Variants in PTPRR observed in about 807,000 individuals in gnomAD.
PTPRR encodes receptor-type tyrosine-protein phosphatase R.
A neutral mutation model predicts 77.2 loss-of-function variants in PTPRR; 38 were observed. The ratio of observed to expected loss-of-function variants is 0.49; its 90% CI spans 0.38 to 0.65. The LOEUF is 0.65. Ranked by LOEUF, PTPRR falls within the 30% of genes least tolerant of loss-of-function variation. The pLI, the probability that PTPRR is intolerant of heterozygous loss-of-function variation, is 0.00. For missense variants in PTPRR, 744 were observed against 799.2 expected (o/e 0.93, Z 0.83); for synonymous variants, 299 against 283.1 (o/e 1.06, Z -0.57).
intron 2 of PTPRR, among the ~76,000 whole-genome samples, chr12:70,821,706 G>A (rs1404708456): frequency 6.6e-6 from 1 of 152,028 alleles, no homozygotes; most frequent in Non-Finnish European, 1.5e-5. Flanking sequence ...CTGTCGCCCA[G>A]GCTGGAGTGC....
At chr12:70,693,665 T>C (rs17108614) in intron 8 of PTPRR, among the ~76,000 whole-genome samples, 4,638 of 151,932 alleles carry the variant, frequency 0.031, 233 homozygotes, top group African/African-American at 0.11. Context: ...TGGGGAAATG[T>C]AGGTTTCCAA....
intron 2 of PTPRR, among the ~76,000 whole-genome samples, chr12:70,772,904 C>A (rs993959109): frequency 2.0e-5 from 3 of 151,976 alleles, no homozygotes; most frequent in Non-Finnish European, 4.4e-5. Flanking sequence ...ACAGAAATTT[C>A]TTGTCTTGTC....
chr12:70,836,324 G>A (rs1012492884), intron 2 of PTPRR, among the ~76,000 whole-genome samples: 8 of 143,728 alleles, frequency 5.6e-5, no homozygotes, highest in Non-Finnish European at 9.0e-5. Flanking sequence ...TTTTTTTCTC[G>A]GACTGGTGTG....
intron 1 of PTPRR, among the ~76,000 whole-genome samples, chr12:70,902,253 G>A (rs1195605163): frequency 2.6e-5 from 4 of 151,860 alleles, no homozygotes; most frequent in Non-Finnish European, 2.9e-5. Flanking sequence ...GGAAAACAGT[G>A]TGGAGATCCT....
At chr12:70,828,431 C>G (rs1248507089) in intron 2 of PTPRR, among the ~76,000 whole-genome samples, 1 of 152,020 alleles carries the variant, frequency 6.6e-6, no homozygotes, top group East Asian at 1.9e-4. Flanking sequence ...AAGTAGCCCT[C>G]TCTTGGGAAT....
At chr12:70,907,437 C>T (rs1215029162) in intron 1 of PTPRR, among the ~76,000 whole-genome samples, 3 of 152,118 alleles carry the variant, frequency 2.0e-5, no homozygotes, top group Non-Finnish European at 2.9e-5. Flanking sequence ...CCCTGTTTAT[C>T]CATTGAAAGT....
intron 13 of PTPRR, among the ~76,000 whole-genome samples, chr12:70,641,018 G>T (rs989354402): frequency 6.6e-6 from 1 of 152,166 alleles, no homozygotes; most frequent in Non-Finnish European, 1.5e-5. Context: ...AGTATTCCTT[G>T]GTCAGAAGTG....
chr12:70,874,123 AG>A (rs1402082474), intron 2 of PTPRR, among the ~76,000 whole-genome samples: 2 of 152,202 alleles, frequency 1.3e-5, no homozygotes, highest in African/African-American at 2.4e-5. Context: ...CTTTTCTTTA[AG>A]AACTGAATGA....
chr12:70,744,049 G>T lies in PTPRR; in HGVS notation c.1007+1769C>A, dbSNP rs566192657. ...GACCCTTTCTTGCCACCGGCCCTTCGTTCATCACTGATGCCCAGGTCTGTG... is the reference window on the plus strand; with the variant it reads ...GACCCTTTCTTGCCACCGGCCCTTCTTTCATCACTGATGCCCAGGTCTGTG... On this transcript the variant is annotated intron_variant, in intron 6 of 13. Coordinates refer to ENST00000283228, the MANE Select transcript of PTPRR (RefSeq NM_002849.4). 7.9e-5 allele frequency among the ~76,000 whole-genome samples: 12 copies of T among 152,144 alleles called. No individual in the cohort carries two copies. The East Asian group carries it at 2.3e-3, about 29-fold the overall frequency.
intron 2 of PTPRR, among the ~76,000 whole-genome samples, chr12:70,882,174 C>T (rs1893159825): frequency 6.6e-6 from 1 of 152,166 alleles, no homozygotes; most frequent in African/African-American, 2.4e-5. Context: ...AAATCTAATC[C>T]TGCGCAAGAG....
chr12:70,783,622 A>T (rs1025139800), intron 2 of PTPRR, among the ~76,000 whole-genome samples: 1 of 151,978 alleles, frequency 6.6e-6, no homozygotes, highest in Non-Finnish European at 1.5e-5. Flanking sequence ...GGGCCCAAGA[A>T]AAAGCACCAT....
At chr12:70,673,587 AT>A (rs1887327844) in intron 10 of PTPRR, among the ~76,000 whole-genome samples, 1 of 152,230 alleles carries the variant, frequency 6.6e-6, no homozygotes, top group East Asian at 1.9e-4. Flanking sequence ...AAATAGTTTC[AT>A]AAATTATGGT....
At chr12:70,662,012 G>A (rs1018755939) in intron 11 of PTPRR, among the ~76,000 whole-genome samples, 8 of 152,100 alleles carry the variant, frequency 5.3e-5, no homozygotes, top group African/African-American at 1.7e-4. Context: ...TCTCGTCTGG[G>A]GAAAGTCCCT....
At chr12:70,828,175 ATTTGATAAAT>A (rs1892148707) in intron 2 of PTPRR, among the ~76,000 whole-genome samples, 1 of 152,242 alleles carries the variant, frequency 6.6e-6, no homozygotes, top group African/African-American at 2.4e-5. Flanking sequence ...TAATAAATAG[ATTTGATAAAT>A]AAAACTGTCT....
intron 2 of PTPRR, among the ~76,000 whole-genome samples, chr12:70,820,143 A>G (rs1306962775): frequency 6.6e-6 from 1 of 152,322 alleles, no homozygotes; most frequent in East Asian, 1.9e-4. Flanking sequence ...TACATCAACA[A>G]CAAGGCTTGG....
intron 6 of PTPRR, among the ~76,000 whole-genome samples, chr12:70,724,745 T>C (rs909183011): frequency 1.3e-5 from 2 of 152,042 alleles, no homozygotes; most frequent in Admixed American, 1.3e-4. Flanking sequence ...TTACTATTAT[T>C]AGCAGTTACT....
At chr12:70,686,013 T>A (rs1887855111) in intron 8 of PTPRR, among the ~76,000 whole-genome samples, 1 of 152,234 alleles carries the variant, frequency 6.6e-6, no homozygotes, top group South Asian at 2.1e-4. Flanking sequence ...GATAGCTATG[T>A]AAGCTGACGA....
chr12:70,844,983 CA>C (rs1266701803), intron 2 of PTPRR, among the ~76,000 whole-genome samples: 2 of 152,002 alleles, frequency 1.3e-5, no homozygotes, highest in African/African-American at 2.4e-5. Flanking sequence ...TTTGTAAATA[CA>C]TAAAAAGAAT....
intron 2 of PTPRR, among the ~76,000 whole-genome samples, chr12:70,823,108 G>GAC (rs58549756): frequency 0.13 from 17,743 of 139,402 alleles, 1,220 homozygotes; most frequent in African/African-American, 0.17. Context: ...CTCTCTCTCT[G>GAC]ACACACACAC....
Sources: allele counts gnomAD v4.1 joint callset (sites outside exome capture counted in the v4.1 genomes callset), GRCh38; gene constraint gnomAD v4.1.1; transcripts MANE v1.5; gene names NCBI Gene and HGNC (gene_info 2026-07-23, HGNC 2026-07-21).